BABAM2: variants seen among roughly 807,000 people sequenced by gnomAD.
BABAM2 encodes BRISC and BRCA1-A complex member 2.
In BABAM2, 31 loss-of-function variants were observed where a neutral mutation model predicts 54.7. The observed-to-expected ratio is 0.57, with a 90% confidence interval of 0.43 to 0.77. The LOEUF (loss-of-function observed/expected upper bound fraction) is 0.77. Among genes scored for constraint, BABAM2 ranks in the 30% least tolerant of loss-of-function variants. The probability of loss-of-function intolerance (pLI) is 0.00; values close to 1 mark genes in which losing one functional copy is unlikely to be tolerated. For synonymous variants in BABAM2, 167 were observed against 162.9 expected, an observed-to-expected ratio of 1.03 and a Z score of -0.19; for missense variants, 364 against 455.8, an observed-to-expected ratio of 0.80 and a Z score of 1.83.
intron 3 of BABAM2, among the ~76,000 whole-genome samples, chr2:27,964,933 T>C (rs1670733182): frequency 6.6e-6 from 1 of 152,218 alleles, no homozygotes; most frequent in Non-Finnish European, 1.5e-5. Context: ...TGTTGTCCTC[T>C]AATATAAGGA....
intron 10 of BABAM2, among the ~76,000 whole-genome samples, chr2:28,277,739 G>A (rs1009976919): frequency 6.6e-6 from 1 of 152,190 alleles, no homozygotes; most frequent in Non-Finnish European, 1.5e-5. Context: ...CTATTGTTAA[G>A]GAGAAAAGCC....
intron 6 of BABAM2, among the ~76,000 whole-genome samples, chr2:28,091,256 A>G (rs1213319824): frequency 6.6e-6 from 1 of 152,216 alleles, no homozygotes; most frequent in Non-Finnish European, 1.5e-5. Context: ...AAAAAATACA[A>G]ACTCCTTTAA....
intron 7 of BABAM2, among the ~76,000 whole-genome samples, chr2:28,191,060 A>G (rs1012478008): frequency 6.6e-6 from 1 of 152,240 alleles, no homozygotes; most frequent in Non-Finnish European, 1.5e-5. Flanking sequence ...CAAAACATAT[A>G]TATGACAAAG....
intron 7 of BABAM2, among the ~76,000 whole-genome samples, chr2:28,166,388 C>T (rs777846125): frequency 6.6e-6 from 1 of 152,052 alleles, no homozygotes; most frequent in African/African-American, 2.4e-5. Flanking sequence ...ACTACTCTAG[C>T]GAGTTATCCT....
At chr2:28,202,741 G>T (rs1303500366) in intron 7 of BABAM2, among the ~76,000 whole-genome samples, 1 of 152,062 alleles carries the variant, frequency 6.6e-6, no homozygotes, top group African/African-American at 2.4e-5. Context: ...AAATAATCAG[G>T]ACTCTCATCC....
At chr2:28,046,805 C>T (rs1299287660) in intron 6 of BABAM2, among the ~76,000 whole-genome samples, 3 of 147,568 alleles carry the variant, frequency 2.0e-5, no homozygotes, top group Non-Finnish European at 4.5e-5. Flanking sequence ...TTTTTGGAAA[C>T]ATGGTCTTGC....
intron 6 of BABAM2, among the ~76,000 whole-genome samples, chr2:28,127,000 T>C (rs1669607399): frequency 6.6e-6 from 1 of 151,766 alleles, no homozygotes; most frequent in African/African-American, 2.4e-5. Flanking sequence ...GTTTTTTTCT[T>C]GTAAATTTGT....
intron 6 of BABAM2, among the ~76,000 whole-genome samples, chr2:28,082,851 A>G (rs1444874746): frequency 2.0e-5 from 3 of 152,072 alleles, no homozygotes; most frequent in Non-Finnish European, 2.9e-5. Context: ...TGGAGGCCTC[A>G]CCTTTCTCAC....
At chr2:28,305,053 G>A (rs973915398) in intron 11 of BABAM2, among the ~76,000 whole-genome samples, 1 of 152,096 alleles carries the variant, frequency 6.6e-6, no homozygotes, top group Non-Finnish European at 1.5e-5. Flanking sequence ...ATGTTTTTCT[G>A]TTTCTTTTTC....
intron 7 of BABAM2, among the ~76,000 whole-genome samples, chr2:28,204,028 T>C (rs896957732): frequency 2.0e-5 from 3 of 152,256 alleles, no homozygotes; most frequent in African/African-American, 7.2e-5. Flanking sequence ...TGTATTTCTC[T>C]GATTACTGGT....
intron 7 of BABAM2, among the ~76,000 whole-genome samples, chr2:28,200,511 A>G (rs148321265): frequency 0.011 from 1,706 of 152,346 alleles, 25 homozygotes; most frequent in South Asian, 0.05. Context: ...ACATTCAATT[A>G]GCCAGAGGGG....
At chr2:28,025,504 C>G in intron 5 of BABAM2, 84 bp downstream of exon 5, 2 of 1,302,764 alleles carry the variant, frequency 1.5e-6, no homozygotes, top group Non-Finnish European at 1.0e-6. Flanking sequence ...AAATCCTAGT[C>G]ATTTCTTTAG....
chr2:28,017,551 T>C (rs754967671), intron 4 of BABAM2, among the ~76,000 whole-genome samples: 3 of 152,210 alleles, frequency 2.0e-5, no homozygotes, highest in Non-Finnish European at 4.4e-5. Context: ...ACTCATCCAT[T>C]TGAAGTATAA....
At chr2:28,319,708 G>A (rs1431295361) in intron 11 of BABAM2, among the ~76,000 whole-genome samples, 2 of 152,242 alleles carry the variant, frequency 1.3e-5, no homozygotes, top group Admixed American at 6.5e-5. Context: ...TCCTCTGGCC[G>A]CAGACGCTGT....
At chr2:28,021,755 T>G in intron 4 of BABAM2, among the ~76,000 whole-genome samples, 1 of 152,328 alleles carries the variant, frequency 6.6e-6, no homozygotes, top group Non-Finnish European at 1.5e-5. Flanking sequence ...ATCATAAGAT[T>G]AATTTCATTA....
chr2:28,332,103 C>G (rs1239615038), intron 11 of BABAM2, among the ~76,000 whole-genome samples: 2 of 152,096 alleles, frequency 1.3e-5, no homozygotes, highest in African/African-American at 4.8e-5. Flanking sequence ...TAAGTGGGAG[C>G]TGAACAATGA....
chr2:28,296,862 AT>A (rs1203328541), intron 10 of BABAM2, among the ~76,000 whole-genome samples: 1 of 151,794 alleles, frequency 6.6e-6, no homozygotes, highest in East Asian at 1.9e-4. Context: ...TAATTTTTGT[AT>A]TTTTAGTAGA....
chr2:28,259,518 G>T (rs934734518), intron 10 of BABAM2, among the ~76,000 whole-genome samples: 2 of 152,078 alleles, frequency 1.3e-5, no homozygotes, highest in East Asian at 3.8e-4. Context: ...CCCTTTGTCA[G>T]TTCCGTGTTC....
intron 7 of BABAM2, among the ~76,000 whole-genome samples, chr2:28,180,524 G>A (rs1586624): frequency 0.99 from 150,723 of 152,314 alleles, 74,602 homozygotes; most frequent in Middle Eastern, 1. Flanking sequence ...AGAAGAAAAC[G>A]TAGAGCAAAT....
Sources: gnomAD v4.1 joint callset for allele counts (sites outside exome capture counted in the v4.1 genomes callset) on GRCh38, gnomAD v4.1.1 for gene constraint, MANE v1.5 for transcripts, NCBI Gene and HGNC (gene_info 2026-07-23, HGNC 2026-07-21) for gene names.